LDB2: variants seen among roughly 807,000 people sequenced by gnomAD.
LDB2 encodes LIM domain binding 2.
A neutral mutation model predicts 44.3 loss-of-function variants in LDB2; 12 were observed. The observed-to-expected ratio is 0.27, with a 90% CI of 0.17 to 0.44. The LOEUF (loss-of-function observed/expected upper bound fraction) is 0.44. LDB2 is among the 20% of genes least tolerant of loss of function. The pLI, the probability that LDB2 is intolerant of heterozygous loss-of-function variation, is 1.00. For synonymous variants in LDB2, 164 were observed against 174.8 expected, an observed-to-expected ratio of 0.94 and a Z score of 0.49; for missense variants, 344 against 473.5, an observed-to-expected ratio of 0.73 and a Z score of 2.54.
chr4:16,672,799 A>G (rs1745161792), intron 2 of LDB2, among the ~76,000 whole-genome samples: 1 of 151,288 alleles, frequency 6.6e-6, no homozygotes, highest in Non-Finnish European at 1.5e-5. Context: ...AAGGGAAGAG[A>G]AGAACTGCTT....
intron 5 of LDB2, among the ~76,000 whole-genome samples, chr4:16,563,017 G>A (rs1418786933): frequency 4.0e-5 from 6 of 150,150 alleles, no homozygotes; most frequent in Middle Eastern, 3.4e-3. Context: ...ATTGAACAAC[G>A]AGAACACATG....
At chr4:16,511,111 C>T (rs1721564735) in intron 6 of LDB2, among the ~76,000 whole-genome samples, 1 of 152,128 alleles carries the variant, frequency 6.6e-6, no homozygotes, top group Admixed American at 6.5e-5. Context: ...ATTAAATTTG[C>T]TATATTCATT....
Position 16,595,890 on chromosome 4 carries a change from CAG to C in LDB2, c.236-17_236-16del, listed in dbSNP as rs1265370743. On this transcript the variant is annotated splice_polypyrimidine_tract_variant and intron_variant, in intron 2 of 7. Transcript: ENST00000304523. ...CCTGCCGATAGCTGGGAGAGAAACA[CAG>C]AGAAACAAACCATTAACAAAAATAT... The C allele has an allele frequency of 6.2e-7, 1 of 1,611,692 alleles. No homozygotes were observed. The highest frequency in any genetic ancestry group is 1.7e-5 in the Admixed American group (1 of 59,814).
chr4:16,851,347 G>C (rs1157922934), intron 1 of LDB2, among the ~76,000 whole-genome samples: 1 of 152,118 alleles, frequency 6.6e-6, no homozygotes, highest in East Asian at 1.9e-4. Flanking sequence ...TGGAAAAAAG[G>C]AACCAAGGAC....
Position 16,724,249 on chromosome 4 carries a change from T to C in LDB2, c.235+34909A>G, listed in dbSNP as rs568660513. Among the ~76,000 whole-genome samples, 5 of 152,156 alleles carry C rather than the reference T, an allele frequency of 3.3e-5. No individual in the cohort carries two copies. In the South Asian group the frequency reaches 1.0e-3, roughly 32 times the overall value. On this transcript the variant is annotated intron_variant, in intron 2 of 7. Coordinates refer to ENST00000304523, the MANE Select transcript of LDB2 (RefSeq NM_001290.5). ...GTTATATTTGAAACTACCAAGATAA[T>C]GTGAAGTTCATGTCTTTGCTGTACT...
At chr4:16,776,662 C>T (rs150090246) in intron 1 of LDB2, among the ~76,000 whole-genome samples, 5 of 152,168 alleles carry the variant, frequency 3.3e-5, no homozygotes, top group East Asian at 1.9e-4. Flanking sequence ...TCCTTGAAGA[C>T]CCTGTATACT....
At chr4:16,815,747 T>C (rs913266195) in intron 1 of LDB2, among the ~76,000 whole-genome samples, 1 of 152,208 alleles carries the variant, frequency 6.6e-6, no homozygotes, top group African/African-American at 2.4e-5. Context: ...GCTCGTAAGA[T>C]GACAAAGTTG....
Position 16,606,883 on chromosome 4 carries a change from C to T in LDB2, c.236-11008G>A, listed in dbSNP as rs749282562. 5.9e-5 allele frequency among the ~76,000 whole-genome samples: 9 copies of T among 152,196 alleles called. 1 individual carries two copies. The highest frequency in any genetic ancestry group is 3.3e-4 in the Admixed American group (5 of 15,272). ...TGAATTTTGTGTTTTAATATCAACA[C>T]GATTCATCTGGGTTAGAGAAATGTT... On this transcript the variant is annotated intron_variant, in intron 2 of 7. Coordinates refer to ENST00000304523, the MANE Select transcript of LDB2 (RefSeq NM_001290.5).
intron 5 of LDB2, among the ~76,000 whole-genome samples, chr4:16,523,773 G>T (rs1027499120): frequency 6.6e-6 from 1 of 152,176 alleles, no homozygotes; most frequent in African/African-American, 2.4e-5. Context: ...GTTTCATCAC[G>T]CTACTCAGAA....
intron 5 of LDB2, among the ~76,000 whole-genome samples, chr4:16,561,388 A>G (rs916829822): frequency 1.3e-5 from 2 of 152,182 alleles, no homozygotes; most frequent in African/African-American, 2.4e-5. Context: ...TACAAAATCA[A>G]TGTACAAAAA....
At chr4:16,704,555 T>G (rs951074496) in intron 2 of LDB2, among the ~76,000 whole-genome samples, 7 of 152,224 alleles carry the variant, frequency 4.6e-5, no homozygotes, top group African/African-American at 1.4e-4. Context: ...TATATGTATC[T>G]ATTCCCATAG....
At chr4:16,828,139 T>G (rs1465204511) in intron 1 of LDB2, among the ~76,000 whole-genome samples, 3 of 152,162 alleles carry the variant, frequency 2.0e-5, no homozygotes, top group Non-Finnish European at 4.4e-5. Context: ...TCCACCTCAG[T>G]TCTTACAGAC....
intron 2 of LDB2, 52 bp from the exon 3 acceptor site, chr4:16,595,927 C>A: frequency 6.5e-7 from 1 of 1,547,640 alleles, no homozygotes; most frequent in Non-Finnish European, 8.8e-7. Flanking sequence ...TCCCACCAGC[C>A]CCACACACCC....
chr4:16,524,726 G>C (rs1256521488), intron 5 of LDB2, among the ~76,000 whole-genome samples: 1 of 152,128 alleles, frequency 6.6e-6, no homozygotes, highest in Non-Finnish European at 1.5e-5. Flanking sequence ...ACGCAATATT[G>C]CTCTTTCATC....
intron 5 of LDB2, among the ~76,000 whole-genome samples, chr4:16,575,423 T>C (rs903223804): frequency 2.0e-5 from 3 of 152,202 alleles, no homozygotes; most frequent in African/African-American, 7.2e-5. Context: ...TAAGGAAACA[T>C]TGAACTTAAT....
chr4:16,507,973 G>C (rs1720199063), intron 7 of LDB2, among the ~76,000 whole-genome samples: 1 of 152,226 alleles, frequency 6.6e-6, no homozygotes, highest in Admixed American at 6.5e-5. Context: ...AAGGGTTCGA[G>C]AGAGTTGAGA....
chr4:16,782,998 C>CCT (rs770917552), intron 1 of LDB2, among the ~76,000 whole-genome samples: 1 of 151,946 alleles, frequency 6.6e-6, no homozygotes. Context: ...CTGGGAAAGA[C>CCT]CTCTCTCTCT....
intron 3 of LDB2, among the ~76,000 whole-genome samples, chr4:16,589,476 T>C (rs1415863723): frequency 2.0e-5 from 3 of 152,186 alleles, no homozygotes; most frequent in African/African-American, 7.2e-5. Context: ...TGGGACACTT[T>C]ATCTTTCTAA....
intron 6 of LDB2, 47 bp downstream of exon 6, chr4:16,511,934 C>T (rs1234694294): frequency 6.4e-7 from 1 of 1,570,500 alleles, no homozygotes; most frequent in Admixed American, 1.8e-5. Context: ...CCCTGGAAGA[C>T]ACCTCTGAAA....
Sources: allele counts gnomAD v4.1 joint callset (sites outside exome capture counted in the v4.1 genomes callset), GRCh38; gene constraint gnomAD v4.1.1; transcripts MANE v1.5; gene names NCBI Gene and HGNC (gene_info 2026-07-23, HGNC 2026-07-21).